Variants in ELP4 observed in about 807,000 individuals in gnomAD.
The protein encoded by ELP4 is elongator acetyltransferase complex subunit 4, also known as elongator complex protein 4.
In ELP4, 51 loss-of-function variants were observed where a neutral mutation model predicts 48.9. That is an observed-to-expected ratio of 1.04 (90% confidence interval 0.83 to 1.32). The LOEUF is 1.32. Among genes scored for constraint, ELP4 ranks in the 40% most tolerant of loss-of-function variants. The pLI is 0.00. For synonymous variants in ELP4, 210 were observed against 189.2 expected (o/e 1.11, Z -0.90); for missense variants, 519 against 514.6 (o/e 1.01, Z -0.08).
At chr11:31,691,627 C>T (rs1250462998) in intron 9 of ELP4, among the ~76,000 whole-genome samples, 1 of 152,046 alleles carries the variant, frequency 6.6e-6, no homozygotes, top group Non-Finnish European at 1.5e-5. Flanking sequence ...GCCTTACTGG[C>T]AGTGGTTTTT....
At chr11:31,586,860 T>C (rs1234487922) in intron 3 of ELP4, among the ~76,000 whole-genome samples, 2 of 152,150 alleles carry the variant, frequency 1.3e-5, no homozygotes, top group East Asian at 1.9e-4. Context: ...CAGGCTGGTC[T>C]CAATCTCCTG....
At chr11:31,510,109 C>T in intron 1 of ELP4, 102 bp downstream of exon 1, 2 of 1,075,746 alleles carry the variant, frequency 1.9e-6, no homozygotes, top group South Asian at 2.9e-5. Flanking sequence ...GACCCCTAAA[C>T]CTTCGGAGGA....
intron 5 of ELP4, among the ~76,000 whole-genome samples, chr11:31,613,049 G>A (rs1958011344): frequency 6.6e-6 from 1 of 152,282 alleles, no homozygotes; most frequent in South Asian, 2.1e-4. Context: ...TTTGGAGGGT[G>A]GTGGGCACTG....
intron 8 of ELP4, chr11:31,649,085 T>C (rs1367832378): frequency 1.3e-5 from 2 of 151,836 alleles, no homozygotes; most frequent in Admixed American, 6.6e-5. Context: ...TTTTTTTAAG[T>C]TTGAAAAATT....
At chr11:31,535,573 C>T (rs551834438) in intron 2 of ELP4, among the ~76,000 whole-genome samples, 15 of 152,246 alleles carry the variant, frequency 9.9e-5, no homozygotes, top group African/African-American at 3.1e-4. Context: ...TCAAACTCCT[C>T]GCCTCAAAGT....
chr11:31,547,442 G>A (rs1466675611), intron 3 of ELP4, among the ~76,000 whole-genome samples: 1 of 152,220 alleles, frequency 6.6e-6, no homozygotes, highest in Non-Finnish European at 1.5e-5. Flanking sequence ...CCAGGAGGAA[G>A]TTGAATCTCT....
chr11:31,670,021 C>T (rs1295872929), intron 9 of ELP4, among the ~76,000 whole-genome samples: 1 of 152,202 alleles, frequency 6.6e-6, no homozygotes, highest in Non-Finnish European at 1.5e-5. Context: ...CACAACTCAT[C>T]CTTCCCTGCC....
intron 9 of ELP4, among the ~76,000 whole-genome samples, chr11:31,738,493 C>CG (rs1198767691): frequency 3.3e-5 from 5 of 151,526 alleles, no homozygotes; most frequent in African/African-American, 9.7e-5. Context: ...CAGCACACTG[C>CG]GGGGGGCTAA....
chr11:31,533,368 C>CTTTTTTGTTTTTTTTT (rs1956433990), intron 2 of ELP4, among the ~76,000 whole-genome samples: 1 of 50,460 alleles, frequency 2.0e-5, no homozygotes, highest in African/African-American at 8.4e-5. Context: ...CCATCTCATT[C>CTTTTTTGTTTTTTTTT]TTTTTTTTTT....
intron 9 of ELP4, chr11:31,763,341 C>T (rs908605054): frequency 1.1e-5 from 15 of 1,364,978 alleles, no homozygotes; most frequent in Non-Finnish European, 1.5e-5. Context: ...GCTTTTTCCC[C>T]CTCTAATCCT....
In ELP4 at chr11:31,690,872, C is replaced by CT. The variant is rs539671243; in HGVS notation, c.1143+40658dup. Among the ~76,000 whole-genome samples the CT allele has an allele frequency of 5.4e-3, 719 of 132,544 alleles. 3 individuals carry two copies. Among genetic ancestry groups the CT allele is most frequent in the Middle Eastern group, 0.013 (3 of 230 alleles). The allele number at this position is 132,544 out of a possible 152,430, so 87.0% of individuals were successfully genotyped here. A position where few individuals can be genotyped will look rare whatever the true frequency, so the allele number is the denominator to read the frequency against. On this transcript the variant is annotated intron_variant, in intron 9 of 9. Transcript: ENST00000640961. ...TCTTATTCAAGGCCTTTTAAAGGTA[C>CT]TTTTTTTGCTCTTTGCACTACTTCT...
intron 3 of ELP4, among the ~76,000 whole-genome samples, chr11:31,582,878 G>A (rs1957412492): frequency 6.6e-6 from 1 of 152,100 alleles, no homozygotes; most frequent in Non-Finnish European, 1.5e-5. Flanking sequence ...AGCAGTGGGA[G>A]GCAACTGTGG....
At chr11:31,627,073 C>CTTA (rs770288150) in intron 5 of ELP4, 37 bp from the exon 6 acceptor site, 44 of 1,160,182 alleles carry the variant, frequency 3.8e-5, no homozygotes, top group Non-Finnish European at 5.3e-5. Context: ...TATGTAATAA[C>CTTA]CCATTTATGT....
intron 3 of ELP4, among the ~76,000 whole-genome samples, chr11:31,570,115 GC>G (rs1455569606): frequency 6.6e-6 from 1 of 152,162 alleles, no homozygotes; most frequent in African/African-American, 2.4e-5. Flanking sequence ...CAACCCAGGT[GC>G]CCGTCAACAG....
At chr11:31,704,137 CATCAAGGCAAATT>C (rs1365690219) in intron 9 of ELP4, among the ~76,000 whole-genome samples, 1 of 151,764 alleles carries the variant, frequency 6.6e-6, no homozygotes, top group Non-Finnish European at 1.5e-5. Flanking sequence ...ACCACAAATG[CATCAAGGCAAATT>C]ATCTCTTATT....
chr11:31,545,924 A>C (rs1592102307), intron 3 of ELP4, among the ~76,000 whole-genome samples: 1 of 152,232 alleles, frequency 6.6e-6, no homozygotes, highest in East Asian at 1.9e-4. Context: ...CTTTACAGAC[A>C]AGCAAATGCT....
intron 4 of ELP4, among the ~76,000 whole-genome samples, chr11:31,598,224 G>A (rs1957711754): frequency 6.6e-6 from 1 of 151,952 alleles, no homozygotes; most frequent in African/African-American, 2.4e-5. Context: ...AAAGTGTTGG[G>A]ATTACAGGTG....
At chr11:31,535,673 G>T (rs984965561) in intron 2 of ELP4, among the ~76,000 whole-genome samples, 2 of 152,064 alleles carry the variant, frequency 1.3e-5, no homozygotes, top group African/African-American at 4.8e-5. Context: ...GACTTTTTAC[G>T]ACTGTATATA....
chr11:31,662,000 T>C (rs1436102296), intron 9 of ELP4, among the ~76,000 whole-genome samples: 1 of 152,066 alleles, frequency 6.6e-6, no homozygotes, highest in Non-Finnish European at 1.5e-5. Flanking sequence ...TTGACCTCTT[T>C]ATTATACACT....
Sources: allele counts gnomAD v4.1 joint callset (sites outside exome capture counted in the v4.1 genomes callset), GRCh38; gene constraint gnomAD v4.1.1; transcripts MANE v1.5; gene names NCBI Gene and HGNC (gene_info 2026-07-23, HGNC 2026-07-21).